DLEU7: variants seen among roughly 807,000 people sequenced by gnomAD.
DLEU7 encodes the protein deleted in lymphocytic leukemia 7.
DLEU7 carries 17 observed loss-of-function variants against 16.0 expected under a neutral mutation model. That is an observed-to-expected ratio of 1.06 (90% CI 0.73 to 1.59). DLEU7 has a LOEUF of 1.59. Ranked by LOEUF, DLEU7 falls within the 40% of genes most tolerant of loss-of-function variation. The pLI is 0.00. For synonymous variants in DLEU7, 113 were observed against 139.8 expected, an observed-to-expected ratio of 0.81 and a Z score of 1.35; for missense variants, 308 against 314.9, an observed-to-expected ratio of 0.98 and a Z score of 0.17.
At chr13:50,753,658 G>T (rs1362970924) in intron 1 of DLEU7, among the ~76,000 whole-genome samples, 1 of 152,156 alleles carries the variant, frequency 6.6e-6, no homozygotes, top group Non-Finnish European at 1.5e-5. Flanking sequence ...CAAGCACCGT[G>T]CGCAGCCCCA....
chr13:50,810,185 G>GAAAAAAA (rs5803535), intron 1 of DLEU7, among the ~76,000 whole-genome samples: 1 of 129,990 alleles, frequency 7.7e-6, no homozygotes, highest in Non-Finnish European at 1.6e-5. Flanking sequence ...AGAAATTCTG[G>GAAAAAAA]AAAAAAAAAA....
chr13:50,717,313 T>C (rs1031673862), intron 1 of DLEU7, among the ~76,000 whole-genome samples: 3 of 152,140 alleles, frequency 2.0e-5, no homozygotes, highest in Non-Finnish European at 4.4e-5. Flanking sequence ...ACACAGATGG[T>C]AAGTGGAAAA....
chr13:50,711,920 G>A (rs1190764349), exon 2 of DLEU7: 1 of 151,638 alleles, frequency 6.6e-6, no homozygotes, highest in Non-Finnish European at 1.5e-5. Flanking sequence ...AAATATTGGG[G>A]AAAGGAGAAG....
intron 1 of DLEU7, among the ~76,000 whole-genome samples, chr13:50,773,165 G>A (rs574629035): frequency 6.3e-4 from 96 of 152,216 alleles, no homozygotes; most frequent in Middle Eastern, 6.8e-3. Flanking sequence ...TTAGCCATTC[G>A]TCTAATCTTT....
chr13:50,834,063 G>A (rs1343425611), intron 1 of DLEU7, among the ~76,000 whole-genome samples: 2 of 152,062 alleles, frequency 1.3e-5, no homozygotes, highest in African/African-American at 2.4e-5. Context: ...AGACTTAAAT[G>A]TAAGACCTAA....
chr13:50,822,431 C>T (rs887587620), downstream of DLEU7, among the ~76,000 whole-genome samples: 10 of 151,874 alleles, frequency 6.6e-5, no homozygotes, highest in Admixed American at 5.9e-4. Flanking sequence ...CTTTGGCTCT[C>T]AACACAGTCA....
rs1873759546 is a variant in DLEU7, at chr13:50,726,294, T to A, written c.460-13054A>T. ...CCCCAGGGCAACATGCCCATTCCTT[T>A]TTCTGTTTTTCTAGCTCCCCCACCC... On this transcript the variant is annotated intron_variant, in intron 1 of 1. Transcript: ENST00000400393. The surrounding 1 kb of genome is among the most constrained non-coding windows in gnomAD (Gnocchi z 4.0). Among the ~76,000 whole-genome samples the A allele has an allele frequency of 2.0e-5, 3 of 152,156 alleles. No homozygotes were observed. The South Asian group carries it at 6.2e-4, about 32-fold the overall frequency.
chr13:50,736,625 C>G (rs1007898141), intron 1 of DLEU7, among the ~76,000 whole-genome samples: 1 of 151,516 alleles, frequency 6.6e-6, no homozygotes, highest in African/African-American at 2.4e-5. Flanking sequence ...AACTTGGTAG[C>G]CAAGATTCTG....
upstream of DLEU7, chr13:50,843,728 C>A: frequency 6.9e-7 from 1 of 1,458,398 alleles, no homozygotes; most frequent in South Asian, 1.3e-5. This position sits in a 1 kb window ranked among gnomAD's most constrained non-coding sequence, Gnocchi z 5.7. Context: ...TCGCCAAGGT[C>A]ACATTTTCTA....
At chr13:50,793,999 T>G (rs1437988177) in intron 1 of DLEU7, among the ~76,000 whole-genome samples, 2 of 152,206 alleles carry the variant, frequency 1.3e-5, no homozygotes. Context: ...ACGTTTAAGT[T>G]TTTAATCCAT....
intron 1 of DLEU7, among the ~76,000 whole-genome samples, chr13:50,745,625 G>A (rs1232228571): frequency 6.6e-6 from 1 of 152,100 alleles, no homozygotes. Flanking sequence ...TTGTTAGAGG[G>A]ATTATCTTGT....
chr13:50,757,446 C>T (rs1229109664), intron 1 of DLEU7, among the ~76,000 whole-genome samples: 1 of 152,196 alleles, frequency 6.6e-6, no homozygotes, highest in Non-Finnish European at 1.5e-5. Flanking sequence ...TATTGATAGA[C>T]ATCCAAAATG....
At chr13:50,764,772 C>T (rs1875049002) in intron 1 of DLEU7, among the ~76,000 whole-genome samples, 2 of 152,132 alleles carry the variant, frequency 1.3e-5, no homozygotes, top group East Asian at 1.9e-4. Context: ...CCATGAAATG[C>T]TGATGAAGAT....
At chr13:50,773,419 GTC>G (rs1281400417) in intron 1 of DLEU7, among the ~76,000 whole-genome samples, 2 of 152,142 alleles carry the variant, frequency 1.3e-5, no homozygotes, top group African/African-American at 4.8e-5. Flanking sequence ...TCTACCTTTG[GTC>G]TTTGATGATA....
intron 1 of DLEU7, among the ~76,000 whole-genome samples, chr13:50,794,285 A>C (rs1876049221): frequency 6.9e-6 from 1 of 145,950 alleles, no homozygotes; most frequent in Non-Finnish European, 1.5e-5. Flanking sequence ...ATTTTTAAAA[A>C]AGTTGAGTAA....
At chr13:50,751,290 G>A (rs887223834) in intron 1 of DLEU7, among the ~76,000 whole-genome samples, 1 of 152,174 alleles carries the variant, frequency 6.6e-6, no homozygotes, top group Non-Finnish European at 1.5e-5. Flanking sequence ...CCACTTGATC[G>A]TGGTGGATTA....
At chr13:50,768,173 C>T (rs996406404) in intron 1 of DLEU7, among the ~76,000 whole-genome samples, 5 of 152,112 alleles carry the variant, frequency 3.3e-5, no homozygotes, top group African/African-American at 1.2e-4. Context: ...GCAACAAATA[C>T]TCTCAGGTTT....
chr13:50,806,879 G>T (rs1876403424), intron 1 of DLEU7, among the ~76,000 whole-genome samples: 1 of 149,556 alleles, frequency 6.7e-6, no homozygotes, highest in South Asian at 2.1e-4. Context: ...GGAAGTGGAG[G>T]TTGCAATGAG....
chr13:50,812,243 T>C (rs962947210), intron 1 of DLEU7, among the ~76,000 whole-genome samples: 1 of 152,094 alleles, frequency 6.6e-6, no homozygotes, highest in African/African-American at 2.4e-5. Flanking sequence ...AGCAGCTTGA[T>C]GGTGTGTAGA....
Sources: allele counts gnomAD v4.1 joint callset (sites outside exome capture counted in the v4.1 genomes callset), GRCh38; gene constraint gnomAD v4.1.1; non-coding constraint Gnocchi (gnomAD v3.1); transcripts MANE v1.5; gene names NCBI Gene and HGNC (gene_info 2026-07-23, HGNC 2026-07-21).